The following NCKIPSD variants were observed in gnomAD, a reference collection of about 807,000 sequenced individuals.
NCKIPSD encodes the protein NCK interacting protein with SH3 domain.
A neutral mutation model predicts 73.4 loss-of-function variants in NCKIPSD; 48 were observed. That is an observed-to-expected ratio of 0.65 (90% CI 0.52 to 0.83). The LOEUF (loss-of-function observed/expected upper bound fraction) is 0.83, where lower values mean the gene tolerates loss of function less well. NCKIPSD is among the 40% of genes least tolerant of loss of function. The pLI is 0.00. For synonymous variants in NCKIPSD, 422 were observed against 403.6 expected, an observed-to-expected ratio of 1.05 and a Z score of -0.54; for missense variants, 884 against 970.2, an observed-to-expected ratio of 0.91 and a Z score of 1.18.
chr3:48,678,386 C>A (rs1002521779), intron 12 of NCKIPSD, among the ~76,000 whole-genome samples, 178 bp downstream of exon 12: 2 of 152,216 alleles, frequency 1.3e-5, no homozygotes, highest in Non-Finnish European at 2.9e-5. Flanking sequence ...AGCCCCACCA[C>A]CTCCAGATCA....
intron 12 of NCKIPSD, among the ~76,000 whole-genome samples, chr3:48,676,846 C>G (rs2077262891): frequency 6.6e-6 from 1 of 151,476 alleles, no homozygotes. Context: ...TCTTGGCTCA[C>G]AGCAACCTCC....
At chr3:48,680,366 A>T in intron 5 of NCKIPSD, 137 bp from the exon 6 acceptor site, 1 of 988,576 alleles carries the variant, frequency 1.0e-6, no homozygotes. Context: ...ACTGGACAGG[A>T]GGCTCAACTC....
At chr3:48,677,816 CCTAT>C (rs534668184) in intron 12 of NCKIPSD, among the ~76,000 whole-genome samples, 59 of 152,330 alleles carry the variant, frequency 3.9e-4, no homozygotes, top group Admixed American at 3.2e-3. Flanking sequence ...CGCTGACCTG[CCTAT>C]CTATCTCATT....
Position 48,682,603 on chromosome 3 carries a change from G to A in NCKIPSD, c.282-51C>T, listed in dbSNP as rs768344234. On this transcript the variant is annotated intron_variant, in intron 2 of 12. Transcript: ENST00000294129. ...GGGGGGTTGCATCTCACAGCTCAAA[G>A]TCCTCATATGCCCCTGTGGGATGCT... The A allele has an allele frequency of 5.7e-6, 9 of 1,589,424 alleles. No individual in the cohort carries two copies. The East Asian group carries it at 2.0e-4, about 36-fold the overall frequency.
Position 48,678,712 on chromosome 3 carries a change from T to C in NCKIPSD, c.1817A>G (p.His606Arg), listed in dbSNP as rs748902489. ...GACAGAGTGTGGTGGCTGTGGCTCA[T>C]GTTTGAAGATGCGCACAGGGTCATC... The part of the protein sequence containing the change: ...RGDDPVRIFK[H>R]EPQPPHSVLK... Residue 606 changes from histidine to arginine, a missense_variant, in exon 12 of 13, where the codon CAT (histidine) becomes CGT (arginine). His to Arg is a conservative substitution (Grantham distance 29). Transcript: ENST00000294129. 1.1e-5 allele frequency: 18 copies of C among 1,613,856 alleles called. No homozygotes were observed. Among genetic ancestry groups the C allele is most frequent in the South Asian group, 2.2e-5 (2 of 91,032 alleles).
At chr3:48,680,430 G>GT (rs1559493593) in intron 5 of NCKIPSD, among the ~76,000 whole-genome samples, 1 of 152,130 alleles carries the variant, frequency 6.6e-6, no homozygotes, top group Non-Finnish European at 1.5e-5. Flanking sequence ...TCTGTAGGGG[G>GT]TTTTCAACAG....
chr3:48,685,750 C>G lies in NCKIPSD; in HGVS notation c.58G>C (p.Ala20Pro). Reference protein sequence around the residue: ...SAEPNALAFAAGETFLVLERS... With the variant: ...SAEPNALAFAPGETFLVLERS... ...TCTAGCACCAGGAAGGTCTCGCCCGCGGCGAACGCCAGCGCGTTGGGCTCC... is the reference window on the plus strand; with the variant it reads ...TCTAGCACCAGGAAGGTCTCGCCCGGGGCGAACGCCAGCGCGTTGGGCTCC... The change falls in exon 1 of 13, where the codon GCG becomes CCG. Residue 20 changes from alanine (A) to proline (P), a missense_variant. Physicochemically the swap from Ala to Pro is conservative, Grantham distance 27 (BLOSUM62 -1). Transcript: ENST00000294129. The G allele has an allele frequency of 6.5e-7, 1 of 1,532,116 alleles. No individual in the cohort carries two copies. Among genetic ancestry groups the G allele is most frequent in the Non-Finnish European group, 8.7e-7 (1 of 1,147,832 alleles). 94.9% of individuals were successfully genotyped at this position (1,532,116 alleles called of 1,614,324 possible).
At chr3:48,679,314 G>A in intron 9 of NCKIPSD, 63 bp downstream of exon 9, 1 of 1,612,420 alleles carries the variant, frequency 6.2e-7, no homozygotes, top group Non-Finnish European at 8.5e-7. Context: ...CAGGTCCCAG[G>A]CCCTCGGGCA....
chr3:48,675,187 C>A (rs567847643), intron 12 of NCKIPSD, among the ~76,000 whole-genome samples: 1 of 151,684 alleles, frequency 6.6e-6, no homozygotes, highest in African/African-American at 2.4e-5. Context: ...CTTGACATCT[C>A]CTGCACATGT....
chr3:48,680,282 C>A (rs1315971174), intron 5 of NCKIPSD, 53 bp from the exon 6 acceptor site: 17 of 1,511,014 alleles, frequency 1.1e-5, no homozygotes, highest in Non-Finnish European at 2.7e-6. Flanking sequence ...CTCACCATCT[C>A]CAGGGAGCCT....
chr3:48,673,933 A>G lies in NCKIPSD; in HGVS notation c.*611T>C. ...TTTCAGTCTACATTTTTACAGAGAAAAGAGATTCGGTCATTGGCTTTCTCA... is the reference window on the plus strand; with the variant it reads ...TTTCAGTCTACATTTTTACAGAGAAGAGAGATTCGGTCATTGGCTTTCTCA... On this transcript the variant is annotated 3_prime_UTR_variant, in exon 13 of 13. Transcript: ENST00000294129. 9.4e-7 allele frequency: 1 copy of G among 1,063,360 alleles called. No individual in the cohort carries two copies. The highest frequency in any genetic ancestry group is 1.1e-6 in the Non-Finnish European group (1 of 877,838). The allele number at this position is 1,063,360 out of a possible 1,614,324, so 65.9% of individuals were successfully genotyped here. A position where few individuals can be genotyped will look rare whatever the true frequency, so the allele number is the denominator to read the frequency against.
chr3:48,682,642 C>G (rs1350503429), intron 2 of NCKIPSD, 90 bp from the exon 3 acceptor site: 1 of 1,438,600 alleles, frequency 7.0e-7, no homozygotes, highest in East Asian at 2.3e-5. Context: ...ACCCCATAGC[C>G]CAGGCCCCTC....
chr3:48,685,831 G>T lies in NCKIPSD; in HGVS notation c.-24C>A. 1 of 1,413,962 alleles carries T rather than the reference G, an allele frequency of 7.1e-7. No individual in the cohort carries two copies. Among genetic ancestry groups the T allele is most frequent in the Non-Finnish European group, 9.2e-7 (1 of 1,090,790 alleles). The allele number at this position is 1,413,962 out of a possible 1,614,324, so 87.6% of individuals were successfully genotyped here. ...ATGAGGCCGGGCAGGGCAGGTGCAG[G>T]GAAGGTGGCAAGGGCTGCGGCGCCA... On this transcript the variant is annotated 5_prime_UTR_variant, in exon 1 of 13. Transcript: ENST00000294129.
intron 5 of NCKIPSD, among the ~76,000 whole-genome samples, chr3:48,680,797 C>T (rs1403626787): frequency 6.6e-6 from 1 of 152,128 alleles, no homozygotes; most frequent in African/African-American, 2.4e-5. Flanking sequence ...ATGATGCCCA[C>T]ACACCTCACT....
At chr3:48,680,887 G>T (rs1348588826) in intron 5 of NCKIPSD, among the ~76,000 whole-genome samples, 1 of 152,110 alleles carries the variant, frequency 6.6e-6, no homozygotes, top group Non-Finnish European at 1.5e-5. Flanking sequence ...GGTCAGCAAG[G>T]CACTACCCTC....
intron 12 of NCKIPSD, among the ~76,000 whole-genome samples, chr3:48,675,838 G>A (rs527722884): frequency 9.2e-5 from 14 of 151,980 alleles, no homozygotes; most frequent in South Asian, 2.1e-4. Context: ...GAACCACCAC[G>A]CCCGGCCAGC....
At position 48,678,687 on chromosome 3, in the gene NCKIPSD, G is replaced by A. The variant is rs144500544; in HGVS notation, c.1842C>T (p.Val614=). 132 of 1,614,186 alleles carry A rather than the reference G, an allele frequency of 8.2e-5. No homozygotes were observed. In the African/African-American group the frequency reaches 1.6e-3, roughly 20 times the overall value. Residue 614 remains valine, a synonymous_variant, in exon 12 of 13, where the codon GTC becomes GTT. Transcript: ENST00000294129. The part of the protein sequence containing the change: ...FKHEPQPPHS[V]LKFLQDVFGS... ...CAAACACGTCCTGCAGGAACTTGAG[G>A]ACAGAGTGTGGTGGCTGTGGCTCAT...
At chr3:48,683,773 C>A (rs147290082) in intron 1 of NCKIPSD, among the ~76,000 whole-genome samples, 4 of 151,736 alleles carry the variant, frequency 2.6e-5, no homozygotes, top group Non-Finnish European at 5.9e-5. Context: ...AAACCAGCTA[C>A]CCCCAGCCCT....
rs376553247 is a variant in NCKIPSD, at chr3:48,682,022, T to C, written c.598+23A>G. 12 of 1,594,712 alleles carry C rather than the reference T, an allele frequency of 7.5e-6. No individual in the cohort carries two copies. In the African/African-American group the frequency reaches 1.3e-4, roughly 18 times the overall value. On this transcript the variant is annotated intron_variant, in intron 4 of 12. Transcript: ENST00000294129. Reference sequence around the variant, plus strand: ...CAAGCATAGGGTGCCTCCACCTGAATTCCCCTAACCCTGCCTTCTTACCAC... The same window carrying C: ...CAAGCATAGGGTGCCTCCACCTGAACTCCCCTAACCCTGCCTTCTTACCAC...
Sources: allele counts gnomAD v4.1 joint callset (sites outside exome capture counted in the v4.1 genomes callset), GRCh38; gene constraint gnomAD v4.1.1; transcripts MANE v1.5; gene names NCBI Gene and HGNC (gene_info 2026-07-23, HGNC 2026-07-21).